The following MYO3B variants were observed in gnomAD, a reference collection of about 807,000 sequenced individuals.
MYO3B encodes myosin IIIB.
A neutral mutation model predicts 174.6 loss-of-function variants in MYO3B; 156 were observed. The observed-to-expected ratio is 0.89, with a 90% CI of 0.78 to 1.02. MYO3B has a LOEUF of 1.02. Ranked by LOEUF, MYO3B falls within the 50% of genes least tolerant of loss-of-function variation. The pLI, the probability that MYO3B is intolerant of heterozygous loss-of-function variation, is 0.00. For missense variants in MYO3B, 1,632 were observed against 1,639.4 expected, an observed-to-expected ratio of 1.00 and a Z score of 0.08; for synonymous variants, 563 against 569.1, an observed-to-expected ratio of 0.99 and a Z score of 0.15.
intron 7 of MYO3B, among the ~76,000 whole-genome samples, chr2:170,276,045 G>A (rs531675813): frequency 1.3e-4 from 20 of 152,302 alleles, no homozygotes; most frequent in African/African-American, 4.8e-4. Flanking sequence ...ATGACAGCCA[G>A]TGTCACCTCC....
At chr2:170,308,623 A>G (rs1394422170) in intron 7 of MYO3B, among the ~76,000 whole-genome samples, 1 of 152,098 alleles carries the variant, frequency 6.6e-6, no homozygotes, top group Non-Finnish European at 1.5e-5. Flanking sequence ...CTGGCTTCAT[A>G]TACTCATGTT....
intron 7 of MYO3B, among the ~76,000 whole-genome samples, chr2:170,244,742 C>T (rs888094851): frequency 2.6e-5 from 4 of 152,066 alleles, no homozygotes; most frequent in Admixed American, 1.3e-4. Flanking sequence ...GGAATTAGCA[C>T]GGGTTCATTG....
chr2:170,338,567 A>T (rs1039407399), intron 8 of MYO3B, among the ~76,000 whole-genome samples: 7 of 152,122 alleles, frequency 4.6e-5, no homozygotes, highest in Non-Finnish European at 1.0e-4. Flanking sequence ...TTTAAATAGA[A>T]GCCTGCCCAC....
chr2:170,334,506 T>C (rs1279090278), intron 7 of MYO3B: 1 of 152,218 alleles, frequency 6.6e-6, no homozygotes, highest in Non-Finnish European at 1.5e-5. Context: ...ATGATGGCTT[T>C]AAAATTTACA....
chr2:170,574,066 G>C (rs982675278), intron 32 of MYO3B, among the ~76,000 whole-genome samples: 1 of 152,078 alleles, frequency 6.6e-6, no homozygotes, highest in Non-Finnish European at 1.5e-5. Context: ...AACAAAGAAG[G>C]CTCCCACCCC....
At chr2:170,324,980 G>C (rs1002875298) in intron 7 of MYO3B, among the ~76,000 whole-genome samples, 6 of 152,046 alleles carry the variant, frequency 3.9e-5, no homozygotes, top group Non-Finnish European at 8.8e-5. Context: ...TCTCACCTCA[G>C]AGAACTTCAC....
At chr2:170,239,113 T>C (rs2093103693) in intron 7 of MYO3B, among the ~76,000 whole-genome samples, 1 of 152,178 alleles carries the variant, frequency 6.6e-6, no homozygotes. Flanking sequence ...CTGCTATTTT[T>C]CCCCAGGAGT....
rs74345418 is a variant in MYO3B, at chr2:170,306,253, C to A, written c.750-29132C>A. ...TTCTTTGAAGATCTAAATTTCCAAACTGGCACCACATATCCGCAAGATACT... is the reference window on the plus strand; with the variant it reads ...TTCTTTGAAGATCTAAATTTCCAAAATGGCACCACATATCCGCAAGATACT... On this transcript the variant is annotated intron_variant, in intron 7 of 34. Coordinates refer to ENST00000408978, the MANE Select transcript of MYO3B (RefSeq NM_138995.5). Among the ~76,000 whole-genome samples, 59 of 152,330 alleles carry A rather than the reference C, an allele frequency of 3.9e-4. 1 individual carries two copies. In the East Asian group the frequency reaches 0.011, roughly 27 times the overall value.
At chr2:170,372,096 G>A (rs1574866949) in intron 9 of MYO3B, among the ~76,000 whole-genome samples, 1 of 111,952 alleles carries the variant, frequency 8.9e-6, no homozygotes, top group East Asian at 3.1e-4. Context: ...TCCAGCCTGG[G>A]CAACAGAGTG....
At chr2:170,517,960 A>C (rs990819776) in intron 29 of MYO3B, among the ~76,000 whole-genome samples, 3 of 150,856 alleles carry the variant, frequency 2.0e-5, no homozygotes, top group African/African-American at 7.3e-5. Context: ...TTCTTTCAAT[A>C]TTGTTGTTTC....
intron 28 of MYO3B, among the ~76,000 whole-genome samples, chr2:170,512,286 G>A (rs564070106): frequency 1.8e-4 from 28 of 152,248 alleles, no homozygotes; most frequent in African/African-American, 6.7e-4. Flanking sequence ...TCTTGGTGCT[G>A]CTTTTGGTGG....
intron 6 of MYO3B, among the ~76,000 whole-genome samples, chr2:170,232,387 AC>A (rs1360796876): frequency 6.6e-6 from 1 of 152,198 alleles, no homozygotes; most frequent in Non-Finnish European, 1.5e-5. Context: ...CGTATGTGTA[AC>A]CTGCAGAAAG....
At chr2:170,599,987 G>T (rs1330316136) in intron 32 of MYO3B, among the ~76,000 whole-genome samples, 1 of 151,982 alleles carries the variant, frequency 6.6e-6, no homozygotes, top group Non-Finnish European at 1.5e-5. Context: ...AGCCATAATT[G>T]TTGATTATTT....
chr2:170,417,354 T>G (rs1424330487), intron 22 of MYO3B, among the ~76,000 whole-genome samples: 1 of 152,238 alleles, frequency 6.6e-6, no homozygotes, highest in Non-Finnish European at 1.5e-5. Context: ...TGTTTGCTAC[T>G]GTATATCCTT....
chr2:170,489,740 C>A (rs1340969663), intron 25 of MYO3B, among the ~76,000 whole-genome samples: 1 of 150,298 alleles, frequency 6.7e-6, no homozygotes, highest in Non-Finnish European at 1.5e-5. Flanking sequence ...AGACAGAATC[C>A]CTTTCTTCCT....
rs1559205904 is a variant in MYO3B, at chr2:170,651,734, T to TGTGA, written c.3840+3_3840+6dup. On this transcript the variant is annotated frameshift_variant and splice_region_variant. Transcript: ENST00000408978. LOFTEE classifies it high-confidence loss of function. ...ACACCATGTACTATAACCAGTTAAA[T>TGTGA]GTGAGTTCAAAGTGGCCGTAAAGCT... 14 of 1,612,862 alleles carry TGTGA rather than the reference T, an allele frequency of 8.7e-6. No individual in the cohort carries two copies. Among genetic ancestry groups the TGTGA allele is most frequent in the South Asian group, 5.5e-5 (5 of 90,998 alleles).
At chr2:170,387,760 G>C (rs933339269) in intron 14 of MYO3B, among the ~76,000 whole-genome samples, 6 of 152,062 alleles carry the variant, frequency 3.9e-5, no homozygotes, top group African/African-American at 1.4e-4. Context: ...CTTTGATCTG[G>C]GTTCAAATGC....
At chr2:170,536,191 T>C (rs1035767193) in intron 30 of MYO3B, among the ~76,000 whole-genome samples, 3 of 152,202 alleles carry the variant, frequency 2.0e-5, no homozygotes, top group African/African-American at 7.2e-5. Flanking sequence ...CAAACAAATA[T>C]GATCACATTT....
intron 32 of MYO3B, among the ~76,000 whole-genome samples, chr2:170,632,728 G>C (rs1308848383): frequency 4.6e-5 from 7 of 152,142 alleles, no homozygotes; most frequent in Non-Finnish European, 7.3e-5. Flanking sequence ...AAGATTGATA[G>C]ACTGCTAGCA....
Sources: allele counts gnomAD v4.1 joint callset (sites outside exome capture counted in the v4.1 genomes callset), GRCh38; gene constraint gnomAD v4.1.1; transcripts MANE v1.5; gene names NCBI Gene and HGNC (gene_info 2026-07-23, HGNC 2026-07-21).